GMEB1: variants seen among roughly 807,000 people sequenced by gnomAD.
GMEB1 encodes glucocorticoid modulatory element binding protein 1, also known as glucocorticoid modulatory element-binding protein 1.
A neutral mutation model predicts 52.4 loss-of-function variants in GMEB1; 6 were observed. The ratio of observed to expected loss-of-function variants is 0.11; its 90% CI spans 0.06 to 0.23. GMEB1 has a LOEUF of 0.23. Among genes scored for constraint, GMEB1 ranks in the 10% least tolerant of loss-of-function variants. GMEB1 has a pLI of 1.00. For missense variants in GMEB1, 486 were observed against 685.6 expected (o/e 0.71, Z 3.25); for synonymous variants, 255 against 244.9 (o/e 1.04, Z -0.38).
chr1:28,670,953 G>T, intron 1 of GMEB1, among the ~76,000 whole-genome samples: 1 of 152,084 alleles, frequency 6.6e-6, no homozygotes, highest in Non-Finnish European at 1.5e-5. Flanking sequence ...TTTTGGTCTT[G>T]CCCTAAGCCA....
rs944538386 is a variant in GMEB1, at chr1:28,711,847, G to A, written c.991+1205G>A. Among the ~76,000 whole-genome samples the A allele has an allele frequency of 5.4e-4, 82 of 152,236 alleles. 1 individual carries two copies. Among genetic ancestry groups the A allele is most frequent in the Middle Eastern group, 3.4e-3 (1 of 294 alleles). ...GTAGGGGTTTTTCTGCATATACCGA[G>A]CAATCAACTCTCCAGTGGACACTGA... On this transcript the variant is annotated intron_variant, in intron 9 of 9. Coordinates refer to ENST00000373816, the MANE Select transcript of GMEB1 (RefSeq NM_001319674.2).
At position 28,710,502 on chromosome 1, in the gene GMEB1, G is replaced by T. The variant is rs770479035; in HGVS notation, c.869-18G>T. 12 of 1,581,898 alleles carry T rather than the reference G, an allele frequency of 7.6e-6. No homozygotes were observed. In the South Asian group the frequency reaches 1.4e-4, roughly 19 times the overall value. ...ATATCTGTTTTAACTGGACAGGCAT[G>T]TCTTTTGTTTTAAATAGATGCTGCT... is the stretch of plus-strand genomic sequence containing the variant. On this transcript the variant is annotated intron_variant, in intron 8 of 9. Coordinates refer to ENST00000373816, the MANE Select transcript of GMEB1 (RefSeq NM_001319674.2).
At chr1:28,687,955 C>T (rs1037377553) in intron 2 of GMEB1, among the ~76,000 whole-genome samples, 1 of 152,030 alleles carries the variant, frequency 6.6e-6, no homozygotes, top group Non-Finnish European at 1.5e-5. Flanking sequence ...TTATTTTAGA[C>T]ATAACGAATT....
chr1:28,696,044 G>GTTTA (rs1174545089), intron 5 of GMEB1, among the ~76,000 whole-genome samples: 11,024 of 54,594 alleles, frequency 0.2, 498 homozygotes, highest in Middle Eastern at 0.25. Context: ...TATTTTTATT[G>GTTTA]TTTGTTTATT....
chr1:28,685,179 G>C (rs1669581003), intron 2 of GMEB1, among the ~76,000 whole-genome samples: 1 of 151,668 alleles, frequency 6.6e-6, no homozygotes, highest in Non-Finnish European at 1.5e-5. Context: ...TTATGAAGGT[G>C]TTGGAAAAAG....
intron 8 of GMEB1, among the ~76,000 whole-genome samples, chr1:28,708,221 G>A (rs1345775397): frequency 6.6e-6 from 1 of 151,764 alleles, no homozygotes; most frequent in Non-Finnish European, 1.5e-5. Flanking sequence ...CTGGAGTGCA[G>A]TGGTGCAATC....
chr1:28,674,439 C>G (rs190124642), intron 1 of GMEB1, among the ~76,000 whole-genome samples: 4 of 151,836 alleles, frequency 2.6e-5, no homozygotes, highest in African/African-American at 9.7e-5. Flanking sequence ...TCCCTCTGTT[C>G]CCCATGTACA....
chr1:28,693,341 C>T (rs1297161735), intron 5 of GMEB1, among the ~76,000 whole-genome samples: 2 of 146,720 alleles, frequency 1.4e-5, no homozygotes, highest in Non-Finnish European at 1.5e-5. Context: ...CCTCAGCCTC[C>T]CGAGTAGCTG....
chr1:28,704,400 C>A, intron 8 of GMEB1, 71 bp downstream of exon 8: 1 of 1,278,304 alleles, frequency 7.8e-7, no homozygotes. Flanking sequence ...TCCTGTAAGC[C>A]TTGCAAAAAC....
At position 28,714,890 on chromosome 1, in the gene GMEB1, A is replaced by C; in HGVS notation, c.*117A>C. The C allele has an allele frequency of 1.3e-6, 1 of 748,638 alleles. No individual in the cohort carries two copies. Among genetic ancestry groups the C allele is most frequent in the Non-Finnish European group, 2.1e-6 (1 of 473,292 alleles). The allele number at this position is 748,638 out of a possible 1,614,324, so 46.4% of individuals were successfully genotyped here. The stretch of plus-strand genomic sequence containing the variant: ...CCCTTTTTTAAAAAAAAAAAAACAA[A>C]ATCTTATTGTTGTAACTGAAAATGT... On this transcript the variant is annotated 3_prime_UTR_variant, in exon 10 of 10. Transcript: ENST00000373816.
intron 8 of GMEB1, 40 bp downstream of exon 8, chr1:28,704,369 A>G: frequency 6.4e-7 from 1 of 1,570,508 alleles, no homozygotes; most frequent in South Asian, 1.2e-5. Flanking sequence ...GATTTATTGA[A>G]TACTCACCTC....
At chr1:28,676,229 C>T (rs559192803) in intron 1 of GMEB1, among the ~76,000 whole-genome samples, 14 of 152,226 alleles carry the variant, frequency 9.2e-5, no homozygotes, top group Admixed American at 3.9e-4. Flanking sequence ...TAGAAGCATC[C>T]TTCTAAATCT....
chr1:28,712,366 T>A (rs191500397), intron 9 of GMEB1, among the ~76,000 whole-genome samples: 1 of 152,288 alleles, frequency 6.6e-6, no homozygotes. Flanking sequence ...GATTACTTCA[T>A]TGGCCATTGG....
chr1:28,670,151 C>G (rs1299432199), intron 1 of GMEB1, among the ~76,000 whole-genome samples: 21 of 97,130 alleles, frequency 2.2e-4, no homozygotes, highest in Non-Finnish European at 9.8e-5. Context: ...TTTGGGGACC[C>G]TTTTTATTTA....
chr1:28,712,932 C>T (rs1298853892), intron 9 of GMEB1, among the ~76,000 whole-genome samples: 1 of 151,666 alleles, frequency 6.6e-6, no homozygotes, highest in African/African-American at 2.4e-5. Context: ...GCGGGCAGAT[C>T]ACGAGGTCAG....
intron 1 of GMEB1, among the ~76,000 whole-genome samples, chr1:28,669,325 C>T (rs1668772059): frequency 6.6e-6 from 1 of 151,910 alleles, no homozygotes; most frequent in African/African-American, 2.4e-5. Context: ...AGCACCGGGC[C>T]CTTGGATGAG....
At position 28,714,573 on chromosome 1, in the gene GMEB1, A is replaced by G. The variant is rs772398753; in HGVS notation, c.1492A>G (p.Ile498Val). 1.2e-6 allele frequency: 2 copies of G among 1,614,182 alleles called. No individual in the cohort carries two copies. Among genetic ancestry groups the G allele is most frequent in the East Asian group, 2.2e-5 (1 of 44,880 alleles). The change falls in exon 10 of 10, where the codon ATT becomes GTT. Residue 498 changes from isoleucine (I) to valine (V), a missense_variant. Ile to Val is a conservative substitution (Grantham distance 29). This residue lies in a region of GMEB1 where 153 missense variants were observed against 200.8 expected (regional missense o/e 0.76). Transcript: ENST00000373816. ...CATGGAGTCCGGCCTAACCTCGGCA[A>G]TTCAGGCTGTTGAAAGCACCTCAGA... ...VAMESGLTSA[I>V]QAVESTSEDG...
At chr1:28,696,454 T>C (rs934264126) in intron 5 of GMEB1, among the ~76,000 whole-genome samples, 1 of 152,068 alleles carries the variant, frequency 6.6e-6, no homozygotes, top group Admixed American at 6.6e-5. Flanking sequence ...TCCCCAAATG[T>C]AAAAGAGTCA....
At chr1:28,677,354 C>G (rs1031462193) in intron 1 of GMEB1, among the ~76,000 whole-genome samples, 5 of 151,918 alleles carry the variant, frequency 3.3e-5, no homozygotes, top group Non-Finnish European at 7.4e-5. Context: ...CCCATCACCA[C>G]GTCTGGCTAA....
Sources: allele counts gnomAD v4.1 joint callset (sites outside exome capture counted in the v4.1 genomes callset), GRCh38; gene constraint gnomAD v4.1.1; regional missense constraint gnomAD v4.1.1; transcripts MANE v1.5; gene names NCBI Gene and HGNC (gene_info 2026-07-23, HGNC 2026-07-21).